Variants in HSD17B12 observed in about 807,000 individuals in gnomAD.
HSD17B12 encodes very-long-chain 3-oxoacyl-CoA reductase.
A neutral mutation model predicts 39.3 loss-of-function variants in HSD17B12; 32 were observed. The ratio of observed to expected loss-of-function variants is 0.81; its 90% CI spans 0.61 to 1.09. The LOEUF (loss-of-function observed/expected upper bound fraction) is 1.09. Among genes scored for constraint, HSD17B12 ranks in the 50% least tolerant of loss-of-function variants. HSD17B12 has a pLI of 0.00. For missense variants in HSD17B12, 342 were observed against 382.9 expected (o/e 0.89, Z 0.89); for synonymous variants, 150 against 146.7 (o/e 1.02, Z -0.16).
chr11:43,589,645 AT>A, the HSD17B12 span, among the ~76,000 whole-genome samples: 3 of 151,992 alleles, frequency 2.0e-5, no homozygotes, highest in Non-Finnish European at 4.4e-5. Context: ...CGTTTTAAAA[AT>A]AATTATAATA....
the HSD17B12 span, among the ~76,000 whole-genome samples, chr11:43,630,067 ACTT>A: frequency 7.2e-4 from 110 of 152,294 alleles, no homozygotes; most frequent in African/African-American, 2.5e-3. Context: ...CTTGGTGTAA[ACTT>A]CTATAGTAAT....
the HSD17B12 span, among the ~76,000 whole-genome samples, chr11:43,565,297 G>A: frequency 2.0e-5 from 3 of 152,252 alleles, no homozygotes; most frequent in Non-Finnish European, 4.4e-5. Flanking sequence ...CTTCTCACTG[G>A]ACAGCTTCCC....
chr11:43,567,150 G>T, the HSD17B12 span, among the ~76,000 whole-genome samples: 1 of 152,136 alleles, frequency 6.6e-6, no homozygotes, highest in Non-Finnish European at 1.5e-5. Flanking sequence ...AGGTTATCCG[G>T]GCTCCATGAC....
At chr11:43,648,495 C>A in the HSD17B12 span, among the ~76,000 whole-genome samples, 2 of 151,998 alleles carry the variant, frequency 1.3e-5, no homozygotes, top group Non-Finnish European at 2.9e-5. Context: ...AAGAGAGATG[C>A]ATGATTTGGC....
At chr11:43,637,217 C>CTTTTTT in the HSD17B12 span, among the ~76,000 whole-genome samples, 5 of 109,470 alleles carry the variant, frequency 4.6e-5, no homozygotes, top group Non-Finnish European at 3.6e-5. Context: ...GGTGTTTTTC[C>CTTTTTT]TTTTTTTTTT....
intron 4 of HSD17B12, among the ~76,000 whole-genome samples, chr11:43,809,155 A>T (rs1445987697): frequency 2.0e-5 from 3 of 152,248 alleles, no homozygotes; most frequent in African/African-American, 7.2e-5. Flanking sequence ...CAGGAGTTTG[A>T]TAAATTTTTG....
the HSD17B12 span, among the ~76,000 whole-genome samples, chr11:43,563,595 G>A: frequency 9.9e-5 from 15 of 152,278 alleles, no homozygotes; most frequent in African/African-American, 2.9e-4. Flanking sequence ...TGGGAGGATC[G>A]CTTGAGCCCA....
chr11:43,836,892 A>G (rs940097901), intron 7 of HSD17B12, among the ~76,000 whole-genome samples: 2 of 152,214 alleles, frequency 1.3e-5, no homozygotes, highest in Non-Finnish European at 1.5e-5. Flanking sequence ...CACAGACAAA[A>G]AATACCAGAA....
intron 1 of HSD17B12, among the ~76,000 whole-genome samples, chr11:43,681,856 T>A (rs1183300793): frequency 1.4e-5 from 2 of 140,800 alleles, no homozygotes; most frequent in African/African-American, 5.1e-5. Flanking sequence ...TTTTTCAACC[T>A]ATTTTGTTTC....
intron 1 of HSD17B12, among the ~76,000 whole-genome samples, chr11:43,713,688 T>A (rs1950092527): frequency 6.6e-6 from 1 of 152,204 alleles, no homozygotes; most frequent in South Asian, 2.1e-4. Context: ...TCTAGATCCC[T>A]GAGGAATCGC....
At chr11:43,806,330 C>T (rs1951017640) in intron 4 of HSD17B12, 1 of 152,170 alleles carries the variant, frequency 6.6e-6, no homozygotes, top group African/African-American at 2.4e-5. Context: ...CTTGATTCCA[C>T]TACTGAGTAT....
At chr11:43,560,304 C>A in the HSD17B12 span, among the ~76,000 whole-genome samples, 1 of 152,192 alleles carries the variant, frequency 6.6e-6, no homozygotes, top group African/African-American at 2.4e-5. Context: ...TGTACCAGCA[C>A]TCTCCACCTT....
chr11:43,743,975 A>C (rs1277183671), intron 1 of HSD17B12, among the ~76,000 whole-genome samples: 6 of 152,328 alleles, frequency 3.9e-5, no homozygotes, highest in African/African-American at 1.4e-4. Context: ...AGCGAGAAGG[A>C]GAGTGAGAGT....
Position 43,733,939 on chromosome 11 carries a change from G to A in HSD17B12, c.161-16972G>A, listed in dbSNP as rs539781883. ...AGGGACTCACTTTCTCATCCCATGG[G>A]TACAGAAACCAATTATCTTTGCTGT... On this transcript the variant is annotated intron_variant, in intron 1 of 10. Transcript: ENST00000278353. The A allele has an allele frequency of 3.9e-5, 27 of 696,628 alleles. No homozygotes were observed. The African/African-American group carries it at 4.4e-4, about 11-fold the overall frequency. 43.2% of individuals were successfully genotyped at this position (696,628 alleles called of 1,614,324 possible). A position where few individuals can be genotyped will look rare whatever the true frequency, so the allele number is the denominator to read the frequency against.
At chr11:43,740,529 C>T (rs948608595) in intron 1 of HSD17B12, among the ~76,000 whole-genome samples, 4 of 152,098 alleles carry the variant, frequency 2.6e-5, no homozygotes, top group South Asian at 2.1e-4. Context: ...TTTAAAATGG[C>T]GTGGTAATTC....
chr11:43,654,649 G>A, the HSD17B12 span, among the ~76,000 whole-genome samples: 3 of 152,114 alleles, frequency 2.0e-5, no homozygotes, highest in South Asian at 6.2e-4. Context: ...TTATTAAATA[G>A]GGAATCCTTT....
intron 4 of HSD17B12, among the ~76,000 whole-genome samples, chr11:43,812,418 TG>T (rs1749175350): frequency 6.6e-6 from 1 of 152,232 alleles, no homozygotes; most frequent in African/African-American, 2.4e-5. Context: ...CTACTCTAAC[TG>T]GGGTAAGATG....
the HSD17B12 span, among the ~76,000 whole-genome samples, chr11:43,606,866 A>C: frequency 6.6e-6 from 1 of 152,228 alleles, no homozygotes; most frequent in African/African-American, 2.4e-5. Flanking sequence ...AGGCACCCAC[A>C]TAAAAATCAG....
At position 43,799,539 on chromosome 11, in the gene HSD17B12, C is replaced by T. The variant is rs563455857; in HGVS notation, c.391+1112C>T. Among the ~76,000 whole-genome samples the T allele has an allele frequency of 3.3e-5, 5 of 152,032 alleles. No individual in the cohort carries two copies. In the East Asian group the frequency reaches 5.8e-4, roughly 18 times the overall value. On this transcript the variant is annotated intron_variant, in intron 4 of 10. Transcript: ENST00000278353. Reference sequence around the variant, plus strand: ...AAATGGGCTTTGTTAACTTTCCCACCGCTCTTTGAGAGTCGTTTCTAGAAA... The same window carrying T: ...AAATGGGCTTTGTTAACTTTCCCACTGCTCTTTGAGAGTCGTTTCTAGAAA...
Sources: gnomAD v4.1 joint callset for allele counts (sites outside exome capture counted in the v4.1 genomes callset) on GRCh38, gnomAD v4.1.1 for gene constraint, MANE v1.5 for transcripts, NCBI Gene and HGNC (gene_info 2026-07-23, HGNC 2026-07-21) for gene names.